The following KLHDC4 variants were observed in gnomAD, a reference collection of about 807,000 sequenced individuals.
KLHDC4 encodes kelch domain-containing protein 4.
Under a neutral mutation model 62.4 loss-of-function variants are expected in KLHDC4, and 90 were observed. That is an observed-to-expected ratio of 1.44 (90% CI 1.22 to 1.72). The LOEUF (loss-of-function observed/expected upper bound fraction) is 1.72, where lower values mean the gene tolerates loss of function less well. KLHDC4 is among the 40% of genes most tolerant of loss of function. KLHDC4 has a pLI of 0.00. For missense variants in KLHDC4, 1,025 were observed against 699.7 expected (o/e 1.47, Z -5.25); for synonymous variants, 386 against 284.4 (o/e 1.36, Z -3.59).
intron 7 of KLHDC4, among the ~76,000 whole-genome samples, chr16:87,725,485 T>C (rs1281150929): frequency 1.3e-5 from 2 of 152,172 alleles, no homozygotes; most frequent in African/African-American, 2.4e-5. Flanking sequence ...AAAATCTTAA[T>C]AGCAGGATCT....
chr16:87,742,239 C>A (rs1276858957), intron 5 of KLHDC4, among the ~76,000 whole-genome samples: 1 of 152,184 alleles, frequency 6.6e-6, no homozygotes. Flanking sequence ...ATGAAATCAA[C>A]AGGCCGCCTG....
rs534572690 is a variant in KLHDC4, at chr16:87,758,609, G to T, written c.192-2132C>A. Among the ~76,000 whole-genome samples, 8 of 152,220 alleles carry T rather than the reference G, an allele frequency of 5.3e-5. No individual in the cohort carries two copies. In the South Asian group the frequency reaches 1.7e-3, roughly 32 times the overall value. The stretch of plus-strand genomic sequence containing the variant: ...TTCTCCCATCTTTTGGCTTCCCTGG[G>T]CTACAATGGAAGAAGAATTGTCTCG... On this transcript the variant is annotated intron_variant, in intron 2 of 11. Coordinates refer to ENST00000270583, the MANE Select transcript of KLHDC4 (RefSeq NM_017566.4).
chr16:87,708,544 A>G, intron 10 of KLHDC4, 78 bp from the exon 11 acceptor site: 1 of 1,050,882 alleles, frequency 9.5e-7, no homozygotes, highest in Non-Finnish European at 1.4e-6. Flanking sequence ...GGTGGTGGCT[A>G]CGTCCTGGGG....
At chr16:87,740,024 G>A (rs565893111) in intron 5 of KLHDC4, among the ~76,000 whole-genome samples, 173 of 152,270 alleles carry the variant, frequency 1.1e-3, no homozygotes, top group African/African-American at 4.0e-3. Context: ...TATCGGGCGG[G>A]GTCCTAAAGT....
At chr16:87,740,005 T>G (rs768507692) in intron 5 of KLHDC4, 1 of 152,230 alleles carries the variant, frequency 6.6e-6, no homozygotes. Context: ...AAAGCTGTTA[T>G]GAAACACCTA....
At chr16:87,718,316 TCCCC>T (rs1567684974) in intron 7 of KLHDC4, among the ~76,000 whole-genome samples, 13 of 9,540 alleles carry the variant, frequency 1.4e-3, no homozygotes, top group African/African-American at 3.5e-3. Flanking sequence ...CCCCTCTCCC[TCCCC>T]CTCCCTCTCC....
rs1173552185 is a variant in KLHDC4 at position 87,722,025 on chromosome 16, T to A, written c.759+4740A>T. On this transcript the variant is annotated intron_variant, in intron 7 of 11. Coordinates refer to ENST00000270583, the MANE Select transcript of KLHDC4 (RefSeq NM_017566.4). ...TCTCTAAAGGAACGAGAACTCCCCC[T>A]CTCCAGAAGCTCCCACGACACCGGA... Among the ~76,000 whole-genome samples, 3 of 152,002 alleles carry A rather than the reference T, an allele frequency of 2.0e-5. No homozygotes were observed. In the East Asian group the frequency reaches 5.8e-4, roughly 29 times the overall value.
intron 7 of KLHDC4, among the ~76,000 whole-genome samples, chr16:87,724,337 A>C (rs1026725150): frequency 3.3e-5 from 5 of 152,226 alleles, no homozygotes; most frequent in African/African-American, 4.8e-5. Context: ...TGTATCACAG[A>C]CCGCAATAAT....
intron 1 of KLHDC4, among the ~76,000 whole-genome samples, chr16:87,764,846 A>G (rs1385626254): frequency 1.3e-5 from 2 of 150,354 alleles, no homozygotes; most frequent in Non-Finnish European, 3.0e-5. Context: ...AAAAAAAAAA[A>G]AAAAGAAAGA....
At chr16:87,706,549 TC>T (rs1259860509), downstream of KLHDC4, among the ~76,000 whole-genome samples, 2 of 152,142 alleles carry the variant, frequency 1.3e-5, no homozygotes, top group East Asian at 3.9e-4. Context: ...CAGACAGGTG[TC>T]CCCACCAGGG....
intron 5 of KLHDC4, among the ~76,000 whole-genome samples, chr16:87,745,518 C>T (rs565172909): frequency 6.6e-6 from 1 of 152,370 alleles, no homozygotes; most frequent in Admixed American, 6.5e-5. Flanking sequence ...ACACAAAGAC[C>T]TTCCTGTTTC....
At position 87,748,732 on chromosome 16, in the gene KLHDC4, G is replaced by A. The variant is rs1375176679; in HGVS notation, c.447C>T (p.Phe149=). The A allele has an allele frequency of 6.2e-7, 1 of 1,613,546 alleles. No individual in the cohort carries two copies. The highest frequency in any genetic ancestry group is 2.2e-5 in the East Asian group (1 of 44,848). ...GGACCCAGAGATCCTTGTAGTGGTA[G>A]AACTGCTCTCCGTTGGGAGAGGCAA... The part of the protein sequence containing the change: ...GEFASPNGEQ[F]YHYKDLWVLH... Residue 149 remains phenylalanine (F), a synonymous_variant, in exon 5 of 12, where the codon TTC becomes TTT. Coordinates refer to ENST00000270583, the MANE Select transcript of KLHDC4 (RefSeq NM_017566.4).
At chr16:87,762,999 T>A (rs2046106810) in intron 1 of KLHDC4, among the ~76,000 whole-genome samples, 1 of 152,186 alleles carries the variant, frequency 6.6e-6, no homozygotes, top group Non-Finnish European at 1.5e-5. Flanking sequence ...TCCCTCAGCC[T>A]GCCACGCCCC....
In KLHDC4 at chr16:87,714,483, G is replaced by A. The variant is rs1232697044; in HGVS notation, c.835+15C>T. The A allele has an allele frequency of 6.2e-7, 1 of 1,613,980 alleles. No individual in the cohort carries two copies. Among genetic ancestry groups the A allele is most frequent in the Admixed American group, 1.7e-5 (1 of 60,020 alleles). ...AGACCAGCCAGCTCCCGCCCTGGAG[G>A]CACAGCACCTCTACCTTCTCTTCCG... On this transcript the variant is annotated intron_variant, in intron 8 of 11. Transcript: ENST00000270583.
downstream of KLHDC4, among the ~76,000 whole-genome samples, chr16:87,707,347 C>G (rs1269856776): frequency 6.6e-6 from 1 of 152,226 alleles, no homozygotes; most frequent in Non-Finnish European, 1.5e-5. Flanking sequence ...TAATCCTAAA[C>G]CCTAAACCCG....
chr16:87,711,978 G>C lies in KLHDC4; in HGVS notation c.836-535C>G, dbSNP rs185891638. 2.1e-3 allele frequency among the ~76,000 whole-genome samples: 320 copies of C among 150,676 alleles called. 2 individuals carry two copies. Among genetic ancestry groups the C allele is most frequent in the African/African-American group, 7.6e-3 (308 of 40,590 alleles). On this transcript the variant is annotated intron_variant, in intron 8 of 11. Transcript: ENST00000270583. ...GCCCTGCAAGGGGACCCTTCGCCCA[G>C]GGGGCTGAATGCCTGTGCCAGCCGC...
intron 3 of KLHDC4, chr16:87,756,161 C>T: frequency 2.7e-6 from 1 of 376,422 alleles, no homozygotes; most frequent in African/African-American, 2.0e-5. Flanking sequence ...GTGATGACGG[C>T]AGAGCTGGGC....
chr16:87,740,804 C>T (rs2042121516), intron 5 of KLHDC4: 1 of 152,252 alleles, frequency 6.6e-6, no homozygotes, highest in African/African-American at 2.4e-5. Context: ...GCTGTTGCAT[C>T]TAACTCCCTT....
At chr16:87,736,950 C>T (rs764107812) in intron 5 of KLHDC4, among the ~76,000 whole-genome samples, 5 of 151,354 alleles carry the variant, frequency 3.3e-5, no homozygotes, top group African/African-American at 7.3e-5. Flanking sequence ...CATGGTAAAA[C>T]CCTGCCTCTT....
Sources: gnomAD v4.1 joint callset for allele counts (sites outside exome capture counted in the v4.1 genomes callset) on GRCh38, gnomAD v4.1.1 for gene constraint, MANE v1.5 for transcripts, NCBI Gene and HGNC (gene_info 2026-07-23, HGNC 2026-07-21) for gene names.